FBXW11: variants seen among roughly 807,000 people sequenced by gnomAD.
FBXW11 encodes F-box/WD repeat-containing protein 11.
FBXW11 carries 19 observed loss-of-function variants against 77.6 expected under a neutral mutation model. The observed-to-expected ratio is 0.24, with a 90% CI of 0.17 to 0.36. The LOEUF is 0.36. Ranked by LOEUF, FBXW11 falls within the 10% of genes least tolerant of loss-of-function variation. The probability of loss-of-function intolerance (pLI) is 1.00; values close to 1 mark genes in which losing one functional copy is unlikely to be tolerated. For synonymous variants in FBXW11, 235 were observed against 249.4 expected (o/e 0.94, Z 0.54); for missense variants, 334 against 704.2 (o/e 0.47, Z 5.95).
At chr5:171,890,237 CAACT>C (rs2113838471) in intron 7 of FBXW11, among the ~76,000 whole-genome samples, 1 of 152,156 alleles carries the variant, frequency 6.6e-6, no homozygotes, top group South Asian at 2.1e-4. Context: ...AGAACAAAAG[CAACT>C]CTCAGGCCAG....
At chr5:171,948,017 C>T (rs919692308) in intron 2 of FBXW11, among the ~76,000 whole-genome samples, 2 of 151,786 alleles carry the variant, frequency 1.3e-5, no homozygotes, top group Non-Finnish European at 1.5e-5. Context: ...GGGCGGATCA[C>T]GGGGTCAGGA....
At chr5:171,921,990 C>G (rs987820599) in intron 2 of FBXW11, among the ~76,000 whole-genome samples, 2 of 150,554 alleles carry the variant, frequency 1.3e-5, no homozygotes, top group East Asian at 3.9e-4. Flanking sequence ...CCTCCTGTCT[C>G]AGCTTCCCAA....
chr5:171,868,605 C>T lies in FBXW11; in HGVS notation c.*25+5G>A, dbSNP rs371006606. The T allele has an allele frequency of 6.2e-7, 1 of 1,600,680 alleles. No homozygotes were observed. Among genetic ancestry groups the T allele is most frequent in the African/African-American group, 1.3e-5 (1 of 74,578 alleles). ...AAAATTGGAAGGGGAGAGGATAGTA[C>T]TCACCTGAAACGGGTGAAAGTGCAG... On this transcript the variant is annotated splice_donor_5th_base_variant and intron_variant, in intron 13 of 13. Transcript: ENST00000517395.
rs1047619032 is a variant in FBXW11 at position 171,870,265 on chromosome 5, T to A, written c.1452-458A>T. Among the ~76,000 whole-genome samples, 5 of 152,064 alleles carry A rather than the reference T, an allele frequency of 3.3e-5. 1 individual carries two copies. The highest frequency in any genetic ancestry group is 1.2e-4 in the African/African-American group (5 of 41,402). On this transcript the variant is annotated intron_variant, in intron 11 of 13. Coordinates refer to ENST00000517395, the MANE Select transcript of FBXW11 (RefSeq NM_001378974.1). ...ACCCATTTGGGAAGTATATATAAGG[T>A]CATCTGGAAAGATTTACAGTTGCCA... is the stretch of plus-strand genomic sequence containing the variant.
chr5:171,945,490 AAC>A (rs1762961191), intron 2 of FBXW11, among the ~76,000 whole-genome samples: 1 of 152,200 alleles, frequency 6.6e-6, no homozygotes, highest in African/African-American at 2.4e-5. Context: ...TCACATATAA[AAC>A]AGACAGAATA....
chr5:171,886,463 C>T (rs1210839191), intron 7 of FBXW11, among the ~76,000 whole-genome samples: 1 of 151,730 alleles, frequency 6.6e-6, no homozygotes, highest in Admixed American at 6.6e-5. Context: ...AGGAGATATA[C>T]CTAATGTTAA....
rs1428941105 is a variant in FBXW11 at position 171,875,461 on chromosome 5, C to G, written c.1221+824G>C. Among the ~76,000 whole-genome samples, 3 of 152,116 alleles carry G rather than the reference C, an allele frequency of 2.0e-5. No individual in the cohort carries two copies. In the East Asian group the frequency reaches 5.8e-4, roughly 29 times the overall value. Reference sequence around the variant, plus strand: ...ACCAGGGACTGGGAAGAAACACAGGCTGACTGCTAATGAGTGTGAGGGTTT... The same window carrying G: ...ACCAGGGACTGGGAAGAAACACAGGGTGACTGCTAATGAGTGTGAGGGTTT... On this transcript the variant is annotated intron_variant, in intron 9 of 13. Transcript: ENST00000517395.
At chr5:171,897,989 G>C (rs1759863156) in intron 6 of FBXW11, among the ~76,000 whole-genome samples, 1 of 152,104 alleles carries the variant, frequency 6.6e-6, no homozygotes, top group African/African-American at 2.4e-5. Flanking sequence ...TTTATCTAGT[G>C]AAAGTTTTTA....
chr5:171,871,012 G>C (rs973052173), intron 10 of FBXW11, among the ~76,000 whole-genome samples, 154 bp from the exon 11 acceptor site: 1 of 152,114 alleles, frequency 6.6e-6, no homozygotes, highest in African/African-American at 2.4e-5. Context: ...CACATATAAA[G>C]CTGTATGTGT....
At chr5:171,989,664 G>C (rs1412191251) in intron 1 of FBXW11, among the ~76,000 whole-genome samples, 1 of 152,200 alleles carries the variant, frequency 6.6e-6, no homozygotes, top group African/African-American at 2.4e-5. Flanking sequence ...AAGGGTAAAG[G>C]AACTGTTCTT....
intron 1 of FBXW11, among the ~76,000 whole-genome samples, chr5:171,995,817 T>C (rs535947062): frequency 2.0e-5 from 3 of 152,174 alleles, no homozygotes; most frequent in Non-Finnish European, 4.4e-5. Flanking sequence ...CATGTGTTCT[T>C]TGAGTGGAAA....
At chr5:171,969,232 C>T (rs555604878) in intron 1 of FBXW11, among the ~76,000 whole-genome samples, 7 of 152,270 alleles carry the variant, frequency 4.6e-5, no homozygotes, top group East Asian at 1.9e-4. Flanking sequence ...CACGCCACCG[C>T]GCTCTAGCCT....
chr5:171,887,424 C>T (rs1194855842), intron 7 of FBXW11, among the ~76,000 whole-genome samples: 1 of 151,552 alleles, frequency 6.6e-6, no homozygotes, highest in African/African-American at 2.4e-5. Context: ...AGCAGAAAAG[C>T]TTTATTTCAC....
rs564284121 is a variant in FBXW11 at position 172,003,958 on chromosome 5, A to G, written c.45+2500T>C. 2.6e-4 allele frequency among the ~76,000 whole-genome samples: 39 copies of G among 152,362 alleles called. 1 individual carries two copies. The South Asian group carries it at 8.1e-3, about 32-fold the overall frequency. ...TGGTACAAGCAGCACAATCACAAAT[A>G]TTTGAGTACTGAAGCTGACTCATAA... On this transcript the variant is annotated intron_variant, in intron 1 of 13. Transcript: ENST00000517395.
intron 2 of FBXW11, among the ~76,000 whole-genome samples, chr5:171,930,693 C>T (rs1218342676): frequency 6.8e-6 from 1 of 147,444 alleles, no homozygotes; most frequent in Non-Finnish European, 1.5e-5. Flanking sequence ...AAATCCCCCT[C>T]TGCGAGAAAC....
chr5:171,986,864 C>T (rs1307958580), intron 1 of FBXW11, among the ~76,000 whole-genome samples: 1 of 152,208 alleles, frequency 6.6e-6, no homozygotes, highest in African/African-American at 2.4e-5. Context: ...TGGTATCAGT[C>T]TGTGACCTAT....
At chr5:172,001,219 A>G (rs180802660) in intron 1 of FBXW11, among the ~76,000 whole-genome samples, 33 of 152,356 alleles carry the variant, frequency 2.2e-4, no homozygotes, top group Non-Finnish European at 1.5e-5. Context: ...ATCCATATTG[A>G]GCACCCATGT....
chr5:171,914,176 C>T (rs566886717), intron 3 of FBXW11, among the ~76,000 whole-genome samples, 167 bp downstream of exon 3: 7 of 152,316 alleles, frequency 4.6e-5, no homozygotes, highest in Admixed American at 1.3e-4. Context: ...TTTGTAATGA[C>T]AATTCCCTAT....
Position 171,863,470 on chromosome 5 carries a change from T to C in FBXW11, c.*657A>G, listed in dbSNP as rs1312443659. On this transcript the variant is annotated 3_prime_UTR_variant, in exon 14 of 14. Transcript: ENST00000517395. ...GAGAACAGTTAATAAAAGAAAGAGC[T>C]ATATTACCTGTTGGTAGATAATATA... 6.6e-6 allele frequency: 1 copy of C among 152,594 alleles called. No homozygotes were observed. The highest frequency in any genetic ancestry group is 1.5e-5 in the Non-Finnish European group (1 of 68,046). 9.5% of individuals were successfully genotyped at this position (152,594 alleles called of 1,614,324 possible). A position where few individuals can be genotyped will look rare whatever the true frequency, so the allele number is the denominator to read the frequency against.
Sources: allele counts gnomAD v4.1 joint callset (sites outside exome capture counted in the v4.1 genomes callset), GRCh38; gene constraint gnomAD v4.1.1; transcripts MANE v1.5; gene names NCBI Gene and HGNC (gene_info 2026-07-23, HGNC 2026-07-21).